PTCHD4: variants seen among roughly 807,000 people sequenced by gnomAD.
The protein encoded by PTCHD4 is patched domain containing 4.
Under a neutral mutation model 58.1 loss-of-function variants are expected in PTCHD4, and 33 were observed. That is an observed-to-expected ratio of 0.57 (90% confidence interval 0.43 to 0.76). PTCHD4 has a LOEUF of 0.76. Among genes scored for constraint, PTCHD4 ranks in the 30% least tolerant of loss-of-function variants. The pLI, the probability that PTCHD4 is intolerant of heterozygous loss-of-function variation, is 0.00. For missense variants in PTCHD4, 1,058 were observed against 1,027.1 expected, an observed-to-expected ratio of 1.03 and a Z score of -0.41; for synonymous variants, 478 against 409.6, an observed-to-expected ratio of 1.17 and a Z score of -2.02.
chr6:48,092,997 G>C (rs188072978), intron 1 of PTCHD4, among the ~76,000 whole-genome samples: 29 of 152,166 alleles, frequency 1.9e-4, no homozygotes, highest in Non-Finnish European at 7.4e-5. Context: ...TTACTATCTG[G>C]GGCTGTGTTG....
At chr6:47,955,948 T>A (rs186012758) in intron 4 of PTCHD4, among the ~76,000 whole-genome samples, 70 of 152,368 alleles carry the variant, frequency 4.6e-4, no homozygotes, top group Admixed American at 1.4e-3. Context: ...ACTTTTATTA[T>A]GATTTATTTT....
chr6:47,911,073 A>T (rs760899247), intron 4 of PTCHD4, among the ~76,000 whole-genome samples: 43 of 152,248 alleles, frequency 2.8e-4, no homozygotes, highest in South Asian at 1.7e-3. Flanking sequence ...TGTGGTGGTC[A>T]CTTGCTTACT....
chr6:48,016,566 T>A (rs1762875166), intron 3 of PTCHD4, among the ~76,000 whole-genome samples: 1 of 151,910 alleles, frequency 6.6e-6, no homozygotes, highest in Non-Finnish European at 1.5e-5. Flanking sequence ...TTACAGGTCA[T>A]GATGCTATCT....
chr6:47,907,524 G>A (rs1764930528), intron 4 of PTCHD4, among the ~76,000 whole-genome samples: 1 of 152,174 alleles, frequency 6.6e-6, no homozygotes, highest in South Asian at 2.1e-4. Context: ...TGGGATGAAT[G>A]CCCTCTGTTT....
Position 47,864,351 on chromosome 6 carries a change from A to G in PTCHD4, c.*13952T>C, listed in dbSNP as rs1472794556. Among the ~76,000 whole-genome samples the G allele has an allele frequency of 6.6e-6, 1 of 151,388 alleles. No individual in the cohort carries two copies. Among genetic ancestry groups the G allele is most frequent in the Non-Finnish European group, 1.5e-5 (1 of 67,794 alleles). On this transcript the variant is annotated 3_prime_UTR_variant, in exon 5 of 5. Coordinates refer to ENST00000339488, the MANE Select transcript of PTCHD4 (RefSeq NM_001384253.1). ...ACACATATATATATATGGCTATTTC[A>G]CCTACTAGTTTGCTTTGCTAAAATC...
intron 4 of PTCHD4, among the ~76,000 whole-genome samples, chr6:47,886,185 A>AT (rs1764190825): frequency 6.7e-6 from 1 of 148,808 alleles, no homozygotes; most frequent in East Asian, 2.0e-4. Context: ...TACAGTTGCC[A>AT]TTTTAATCCT....
Position 47,872,028 on chromosome 6 carries a change from CT to C in PTCHD4, c.*6274del, listed in dbSNP as rs536307160. On this transcript the variant is annotated 3_prime_UTR_variant, in exon 5 of 5. Coordinates refer to ENST00000339488, the MANE Select transcript of PTCHD4 (RefSeq NM_001384253.1). ...AGATGCAAGAATATGACGGCTTATT[CT>C]TTTTTTTTTTTCCCCAGCTCTATCA... Among the ~76,000 whole-genome samples the C allele has an allele frequency of 6.4e-3, 924 of 144,048 alleles. 5 individuals are homozygous for C. Among genetic ancestry groups the C allele is most frequent in the African/African-American group, 0.014 (541 of 39,836 alleles). The allele number at this position is 144,048 out of a possible 152,430, so 94.5% of individuals were successfully genotyped here.
intron 4 of PTCHD4, among the ~76,000 whole-genome samples, chr6:47,928,868 T>C (rs1056253428): frequency 1.3e-5 from 2 of 152,198 alleles, no homozygotes; most frequent in African/African-American, 4.8e-5. Context: ...TAATATGCAA[T>C]GTACTAATGT....
At chr6:47,927,423 C>T (rs999963005) in intron 4 of PTCHD4, among the ~76,000 whole-genome samples, 4 of 152,128 alleles carry the variant, frequency 2.6e-5, no homozygotes, top group African/African-American at 9.7e-5. Context: ...GCAGCTTGCT[C>T]TCAGGGATGC....
chr6:47,944,141 A>G (rs1766333972), intron 4 of PTCHD4, among the ~76,000 whole-genome samples: 2 of 152,084 alleles, frequency 1.3e-5, no homozygotes, highest in African/African-American at 4.8e-5. Context: ...TCTATAATAA[A>G]AATGGCATGG....
At chr6:48,067,165 C>T (rs1299546050) in intron 3 of PTCHD4, among the ~76,000 whole-genome samples, 1 of 152,202 alleles carries the variant, frequency 6.6e-6, no homozygotes, top group African/African-American at 2.4e-5. Context: ...TTGGAAGTCA[C>T]ATTTGTCCCT....
chr6:48,091,703 G>A (rs1765368866), intron 1 of PTCHD4, among the ~76,000 whole-genome samples: 1 of 140,056 alleles, frequency 7.1e-6, no homozygotes, highest in Admixed American at 7.3e-5. Context: ...ATGGAGTGTA[G>A]TGGCACAATC....
rs1258254793 is a variant in PTCHD4, at chr6:47,872,453, G to A, written c.*5850C>T. On this transcript the variant is annotated 3_prime_UTR_variant, in exon 5 of 5. Coordinates refer to ENST00000339488, the MANE Select transcript of PTCHD4 (RefSeq NM_001384253.1). ...CATGCCATTAGCTGTTGGGAAACCA[G>A]AGCTCAGCTACAAATGGCTTCTAAA... is the stretch of plus-strand genomic sequence containing the variant. Among the ~76,000 whole-genome samples, 1 of 151,580 alleles carries A rather than the reference G, an allele frequency of 6.6e-6. No homozygotes were observed. The highest frequency in any genetic ancestry group is 1.5e-5 in the Non-Finnish European group (1 of 67,720).
intron 1 of PTCHD4, among the ~76,000 whole-genome samples, chr6:48,084,251 C>A (rs939608637): frequency 6.6e-6 from 1 of 152,160 alleles, no homozygotes; most frequent in African/African-American, 2.4e-5. Context: ...AAAGGAATCT[C>A]TGTATTCTAC....
rs1357672830 is a variant in PTCHD4, at chr6:47,862,330, C to T, written c.*15973G>A. 6.6e-6 allele frequency among the ~76,000 whole-genome samples: 1 copy of T among 151,658 alleles called. No homozygotes were observed. Among genetic ancestry groups the T allele is most frequent in the Non-Finnish European group, 1.5e-5 (1 of 67,790 alleles). On this transcript the variant is annotated 3_prime_UTR_variant, in exon 5 of 5. Coordinates refer to ENST00000339488, the MANE Select transcript of PTCHD4 (RefSeq NM_001384253.1). Reference sequence around the variant, plus strand: ...GATCTACTTACAACCATTTTCAACACATACTAAATTTTTTTTGTAGGCTGC... The same window carrying T: ...GATCTACTTACAACCATTTTCAACATATACTAAATTTTTTTTGTAGGCTGC...
At chr6:47,912,384 G>T (rs1765097494) in intron 4 of PTCHD4, among the ~76,000 whole-genome samples, 1 of 152,046 alleles carries the variant, frequency 6.6e-6, no homozygotes, top group Admixed American at 6.6e-5. Flanking sequence ...AGTTGGACAG[G>T]TTATGACATT....
At chr6:48,083,987 T>C (rs537620614) in intron 1 of PTCHD4, among the ~76,000 whole-genome samples, 1 of 152,240 alleles carries the variant, frequency 6.6e-6, no homozygotes, top group South Asian at 2.1e-4. Context: ...TGTGAGATAA[T>C]AAATGGGAGT....
chr6:47,983,627 A>G (rs879486896), intron 4 of PTCHD4, among the ~76,000 whole-genome samples: 4 of 152,186 alleles, frequency 2.6e-5, no homozygotes, highest in Non-Finnish European at 5.9e-5. Context: ...AAATGATGGT[A>G]AATGCCTAAC....
intron 4 of PTCHD4, among the ~76,000 whole-genome samples, chr6:47,966,810 C>T (rs1561982403): frequency 6.6e-6 from 1 of 152,108 alleles, no homozygotes; most frequent in South Asian, 2.1e-4. Context: ...CAATTCAGTC[C>T]CATTTTCAGG....
Sources: allele counts gnomAD v4.1 joint callset (sites outside exome capture counted in the v4.1 genomes callset), GRCh38; gene constraint gnomAD v4.1.1; transcripts MANE v1.5; gene names NCBI Gene and HGNC (gene_info 2026-07-23, HGNC 2026-07-21).